Variants in OSBPL6 observed in about 807,000 individuals in gnomAD.
OSBPL6 encodes oxysterol-binding protein-related protein 6.
OSBPL6 carries 49 observed loss-of-function variants against 125.8 expected under a neutral mutation model. That is an observed-to-expected ratio of 0.39 (90% CI 0.31 to 0.49). The LOEUF (loss-of-function observed/expected upper bound fraction) is 0.49, where lower values mean the gene tolerates loss of function less well. Ranked by LOEUF, OSBPL6 falls within the 20% of genes least tolerant of loss-of-function variation. OSBPL6 has a pLI of 0.88. For synonymous variants in OSBPL6, 394 were observed against 391.8 expected, an observed-to-expected ratio of 1.01 and a Z score of -0.07; for missense variants, 986 against 1,135.4, an observed-to-expected ratio of 0.87 and a Z score of 1.89.
At chr2:178,361,634 C>A in intron 12 of OSBPL6, 48 bp from the exon 13 acceptor site, 1 of 1,602,280 alleles carries the variant, frequency 6.2e-7, no homozygotes. Context: ...GTTGTGTATT[C>A]TTTCTGCACA....
intron 13 of OSBPL6, 110 bp downstream of exon 13, chr2:178,361,925 C>A: frequency 7.6e-7 from 1 of 1,307,560 alleles, no homozygotes; most frequent in Non-Finnish European, 1.0e-6. Context: ...GGGGATAGTA[C>A]AGTTTGCAGA....
intron 11 of OSBPL6, chr2:178,344,442 C>A: frequency 1.5e-6 from 2 of 1,355,872 alleles, no homozygotes; most frequent in South Asian, 1.2e-5. Context: ...CCTGATGGTG[C>A]CACTGGTGTG....
chr2:178,366,307 C>T (rs955946902), intron 13 of OSBPL6, among the ~76,000 whole-genome samples: 1 of 152,216 alleles, frequency 6.6e-6, no homozygotes, highest in Non-Finnish European at 1.5e-5. Context: ...CATCTTGAGC[C>T]TATCTTGAAT....
chr2:178,292,881 G>A (rs1360364777), intron 2 of OSBPL6, among the ~76,000 whole-genome samples: 1 of 152,146 alleles, frequency 6.6e-6, no homozygotes, highest in Non-Finnish European at 1.5e-5. Context: ...GGTAACACTT[G>A]ATCTGAGAAC....
At chr2:178,272,961 C>T (rs2092401073) in intron 1 of OSBPL6, among the ~76,000 whole-genome samples, 2 of 152,252 alleles carry the variant, frequency 1.3e-5, no homozygotes, top group South Asian at 4.1e-4. Context: ...CCCATAGGTG[C>T]TGAGTGAAAG....
rs577290729 is a variant in OSBPL6, at chr2:178,306,204, G to T, written c.20G>T (p.Gly7Val). 3 of 1,613,108 alleles carry T rather than the reference G, an allele frequency of 1.9e-6. No individual in the cohort carries two copies. The highest frequency in any genetic ancestry group is 1.7e-5 in the Admixed American group (1 of 60,014). MSSDEK[G>V]ISPAHKTSTP... ...GCAGCGATGAGTTCAGATGAGAAGG[G>T]CATTTCCCCTGCTCATAAAACATCC... is the stretch of plus-strand genomic sequence containing the variant. The change falls in exon 3 of 25, where the codon GGC becomes GTC. Residue 7 changes from glycine to valine, a missense_variant. By Grantham distance (109) the Gly-to-Val change is moderately radical. This residue lies in a region of OSBPL6 where 130 missense variants were observed against 106.4 expected (regional missense o/e 1.22). Transcript: ENST00000190611.
intron 12 of OSBPL6, among the ~76,000 whole-genome samples, chr2:178,353,721 G>A (rs908134983): frequency 4.6e-5 from 7 of 152,066 alleles, no homozygotes; most frequent in Middle Eastern, 3.2e-3. Flanking sequence ...GGCCAACATC[G>A]AGATTCAGGA....
Position 178,398,549 on chromosome 2 carries a change from CTTAAA to C in OSBPL6, c.*2995_*2999del, listed in dbSNP as rs912002230. On this transcript the variant is annotated 3_prime_UTR_variant, in exon 25 of 25. Transcript: ENST00000190611. ...CTTTTGCTGTTATTTTATTGTTTTTCTTAAATTAAGCCATTGTTTTTCATGGATTA... is the reference window on the plus strand; with the variant it reads ...CTTTTGCTGTTATTTTATTGTTTTTCTTAAGCCATTGTTTTTCATGGATTA... 3.3e-5 allele frequency: 5 copies of C among 152,142 alleles called. No homozygotes were observed. The South Asian group carries it at 1.0e-3, about 32-fold the overall frequency. The allele number at this position is 152,142 out of a possible 1,614,324, so 9.4% of individuals were successfully genotyped here.
intron 1 of OSBPL6, among the ~76,000 whole-genome samples, chr2:178,230,858 A>G (rs952807524): frequency 6.6e-6 from 1 of 152,180 alleles, no homozygotes; most frequent in African/African-American, 2.4e-5. Context: ...ATTGTTAACA[A>G]ATTTCTGTCA....
chr2:178,355,004 T>C (rs554306449), intron 12 of OSBPL6, among the ~76,000 whole-genome samples: 1 of 152,232 alleles, frequency 6.6e-6, no homozygotes, highest in East Asian at 1.9e-4. Context: ...ATTAACGAAA[T>C]GAAGGCAGAA....
In OSBPL6 at chr2:178,199,158, A is replaced by G. The variant is rs546820330; in HGVS notation, c.-351+4484A>G. Among the ~76,000 whole-genome samples, 45 of 152,338 alleles carry G rather than the reference A, an allele frequency of 3.0e-4. No individual in the cohort carries two copies. The South Asian group carries it at 8.5e-3, about 29-fold the overall frequency. On this transcript the variant is annotated intron_variant, in intron 1 of 24. Coordinates refer to ENST00000190611, the MANE Select transcript of OSBPL6 (RefSeq NM_032523.4). ...CAGATAGTAAAATATGACCAAAATTATTAATCCCTATGTGTGATTAAAAGA... is the reference window on the plus strand; with the variant it reads ...CAGATAGTAAAATATGACCAAAATTGTTAATCCCTATGTGTGATTAAAAGA...
rs985175679 is a variant in OSBPL6, at chr2:178,400,577, G to C, written c.*5018G>C. The C allele has an allele frequency of 6.6e-6, 1 of 152,146 alleles. No homozygotes were observed. Among genetic ancestry groups the C allele is most frequent in the Non-Finnish European group, 1.5e-5 (1 of 68,044 alleles). The allele number at this position is 152,146 out of a possible 1,614,324, so 9.4% of individuals were successfully genotyped here. On this transcript the variant is annotated 3_prime_UTR_variant, in exon 25 of 25. Transcript: ENST00000190611. ...GCTGGGATTACAGGTGTGAGCAACCGCGCCTGGACTCAAGTTCTTTTTAAA... is the reference window on the plus strand; with the variant it reads ...GCTGGGATTACAGGTGTGAGCAACCCCGCCTGGACTCAAGTTCTTTTTAAA...
intron 2 of OSBPL6, among the ~76,000 whole-genome samples, chr2:178,302,422 T>C (rs1686376571): frequency 6.6e-6 from 1 of 152,208 alleles, no homozygotes. Context: ...TTTTATGTTA[T>C]AGCAGTTCCT....
chr2:178,363,455 A>T (rs963977641), intron 13 of OSBPL6, among the ~76,000 whole-genome samples: 1 of 152,172 alleles, frequency 6.6e-6, no homozygotes, highest in Non-Finnish European at 1.5e-5. Flanking sequence ...GATTCATGAG[A>T]TGAGCAGGAA....
chr2:178,333,558 A>G (rs1447426889), intron 8 of OSBPL6, among the ~76,000 whole-genome samples: 2 of 152,226 alleles, frequency 1.3e-5, no homozygotes, highest in Non-Finnish European at 2.9e-5. Flanking sequence ...AATGTGGATC[A>G]CCAAGAGAAT....
At chr2:178,294,804 A>G (rs1458115367) in intron 2 of OSBPL6, among the ~76,000 whole-genome samples, 1 of 151,582 alleles carries the variant, frequency 6.6e-6, no homozygotes, top group Non-Finnish European at 1.5e-5. Flanking sequence ...ATGTTTTGAA[A>G]TATATAGACT....
chr2:178,375,516 G>A lies in OSBPL6; in HGVS notation c.1533+1489G>A, dbSNP rs144814280. On this transcript the variant is annotated intron_variant, in intron 15 of 24. Transcript: ENST00000190611. ...TGGCTCACCACAACCTCTGCCTCCC[G>A]GGTTCAAGCAATTCTCCTGCCTCAG... Among the ~76,000 whole-genome samples, 1,129 of 152,068 alleles carry A rather than the reference G, an allele frequency of 7.4e-3. 17 individuals are homozygous for A. Among genetic ancestry groups the A allele is most frequent in the African/African-American group, 0.026 (1,073 of 41,500 alleles).
chr2:178,249,526 A>G (rs2091611408), intron 1 of OSBPL6, among the ~76,000 whole-genome samples: 1 of 152,200 alleles, frequency 6.6e-6, no homozygotes, highest in Admixed American at 6.5e-5. Context: ...TTGACTCTTA[A>G]GGATTGATTG....
At chr2:178,210,926 T>C (rs774166040) in intron 1 of OSBPL6, among the ~76,000 whole-genome samples, 16 of 152,156 alleles carry the variant, frequency 1.1e-4, no homozygotes, top group Non-Finnish European at 2.1e-4. Context: ...CTACTCATTC[T>C]TGCCTTTGTA....
Sources: allele counts gnomAD v4.1 joint callset (sites outside exome capture counted in the v4.1 genomes callset), GRCh38; gene constraint gnomAD v4.1.1; regional missense constraint gnomAD v4.1.1; transcripts MANE v1.5; gene names NCBI Gene and HGNC (gene_info 2026-07-23, HGNC 2026-07-21).